The following NRXN2 variants were observed in gnomAD, a reference collection of about 807,000 sequenced individuals.
NRXN2 encodes neurexin 2.
Under a neutral mutation model 128.8 loss-of-function variants are expected in NRXN2, and 29 were observed. The observed-to-expected ratio is 0.23, with a 90% CI of 0.17 to 0.31. NRXN2 has a LOEUF of 0.31. NRXN2 is among the 10% of genes least tolerant of loss of function. The pLI, the probability that NRXN2 is intolerant of heterozygous loss-of-function variation, is 1.00. For synonymous variants in NRXN2, 1,098 were observed against 1,075.2 expected (o/e 1.02, Z -0.41); for missense variants, 1,881 against 2,452.6 (o/e 0.77, Z 4.92).
At position 64,685,752 on chromosome 11, in the gene NRXN2, A is replaced by C. The variant is rs1464252641; in HGVS notation, c.1046T>G (p.Val349Gly). ...LSLKSGAVWLVINLGSGAFEA... is the reference protein window; with the variant it reads ...LSLKSGAVWLGINLGSGAFEA... ...GAAGGCACCTGAGCCTAGGTTGATG[A>C]CCAGCCAGACAGCCCCAGACTTGAG... Residue 349 changes from valine (V) to glycine (G), a missense_variant, in exon 6 of 23, where the codon GTC becomes GGC. Around this residue, in one of 7 missense-constraint regions of NRXN2, gnomAD observed 997 missense variants for 1,240.8 expected, o/e 0.80. Coordinates refer to ENST00000265459, the MANE Select transcript of NRXN2 (RefSeq NM_015080.4). 1 of 1,614,192 alleles carries C rather than the reference A, an allele frequency of 6.2e-7. No homozygotes were observed. The highest frequency in any genetic ancestry group is 8.5e-7 in the Non-Finnish European group (1 of 1,180,034).
intron 3 of NRXN2, among the ~76,000 whole-genome samples, chr11:64,694,247 C>A (rs902962000): frequency 4.6e-5 from 7 of 152,186 alleles, no homozygotes; most frequent in African/African-American, 1.7e-4. Context: ...GGAAGGGGAA[C>A]AGCCCTGCAG....
At position 64,692,843 on chromosome 11, in the gene NRXN2, A is replaced by C. The variant is rs751181574; in HGVS notation, c.778+4T>G. ...CCAAACCAAACCAAAACTTCAAACCATACCTTCGCTGTTTAACGTCAGGTG... is the reference window on the plus strand; with the variant it reads ...CCAAACCAAACCAAAACTTCAAACCCTACCTTCGCTGTTTAACGTCAGGTG... On this transcript the variant is annotated splice_donor_region_variant and intron_variant, in intron 4 of 22. Transcript: ENST00000265459. 2.5e-5 allele frequency: 41 copies of C among 1,614,012 alleles called. No individual in the cohort carries two copies. In the South Asian group the frequency reaches 3.7e-4, roughly 15 times the overall value.
rs1272069043 is a variant in NRXN2, at chr11:64,712,964, G to A, written c.730+6C>T. 2.1e-5 allele frequency: 32 copies of A among 1,504,446 alleles called. No homozygotes were observed. The highest frequency in any genetic ancestry group is 2.5e-5 in the Non-Finnish European group (28 of 1,131,886). 93.2% of individuals were successfully genotyped at this position (1,504,446 alleles called of 1,614,324 possible). On this transcript the variant is annotated splice_donor_region_variant and intron_variant, in intron 2 of 22. Transcript: ENST00000265459. ...AGGCACCGGGCGGCCGCTCCCCGGGGCTCACCTTCGCTGCAGAACTTGCCG... is the reference window on the plus strand; with the variant it reads ...AGGCACCGGGCGGCCGCTCCCCGGGACTCACCTTCGCTGCAGAACTTGCCG...
At chr11:64,707,393 A>G (rs1013017737) in intron 2 of NRXN2, among the ~76,000 whole-genome samples, 6 of 152,100 alleles carry the variant, frequency 3.9e-5, no homozygotes, top group African/African-American at 1.4e-4. Flanking sequence ...TCAAAAAAAA[A>G]AAAAAAGAAA....
intron 11 of NRXN2, chr11:64,656,097 T>C (rs1209591096): frequency 6.6e-6 from 1 of 152,204 alleles, no homozygotes. Context: ...CCTGGGTTCC[T>C]TCCCCGCCCA....
In NRXN2 at chr11:64,673,020, G is replaced by A. The variant is rs75906750; in HGVS notation, c.1197+3973C>T. Among the ~76,000 whole-genome samples the A allele has an allele frequency of 5.0e-3, 766 of 152,068 alleles. 5 individuals are homozygous for A. The highest frequency in any genetic ancestry group is 0.017 in the African/African-American group (722 of 41,468). ...CTGTGACAGGAGTTTAACAACTGTCGCTCCCATTTCTTCCAGGCTTACTCT... is the reference window on the plus strand; with the variant it reads ...CTGTGACAGGAGTTTAACAACTGTCACTCCCATTTCTTCCAGGCTTACTCT... On this transcript the variant is annotated intron_variant, in intron 7 of 22. Coordinates refer to ENST00000265459, the MANE Select transcript of NRXN2 (RefSeq NM_015080.4).
At chr11:64,609,735 G>A (rs1451969441) in intron 22 of NRXN2, among the ~76,000 whole-genome samples, 1 of 152,196 alleles carries the variant, frequency 6.6e-6, no homozygotes, top group Non-Finnish European at 1.5e-5. Context: ...TGCTCCTCTT[G>A]CAGGGGCACC....
chr11:64,709,066 C>T (rs2056630623), intron 2 of NRXN2, among the ~76,000 whole-genome samples: 1 of 151,962 alleles, frequency 6.6e-6, no homozygotes, highest in African/African-American at 2.4e-5. Context: ...GTGGCGGGCG[C>T]CTGTAATCCC....
In NRXN2 at chr11:64,713,690, C is replaced by T. The variant is rs1050157194; in HGVS notation, c.10G>A (p.Gly4Arg). Reference sequence around the variant, plus strand: ...GGCGGTGTCGGCCGCCACCGGCTCCCGGACGCCATGCCTACGGCGGCCCCG... The same window carrying T: ...GGCGGTGTCGGCCGCCACCGGCTCCTGGACGCCATGCCTACGGCGGCCCCG... MAS[G>R]SRWRPTPPPL... The change falls in exon 2 of 23, where the codon GGG (glycine) becomes AGG (arginine). Residue 4 changes from glycine to arginine, a missense_variant. Gly to Arg is a moderately radical substitution (Grantham distance 125). Coordinates refer to ENST00000265459, the MANE Select transcript of NRXN2 (RefSeq NM_015080.4). 1.3e-5 allele frequency: 15 copies of T among 1,130,090 alleles called. No individual in the cohort carries two copies. The African/African-American group carries it at 1.7e-4, about 12-fold the overall frequency. 70.0% of individuals were successfully genotyped at this position (1,130,090 alleles called of 1,614,324 possible). A position where few individuals can be genotyped will look rare whatever the true frequency, so the allele number is the denominator to read the frequency against.
chr11:64,703,878 CCATCTTA>C (rs369631697), intron 2 of NRXN2, among the ~76,000 whole-genome samples: 78 of 152,314 alleles, frequency 5.1e-4, no homozygotes, highest in African/African-American at 1.8e-3. Context: ...GATATTACTT[CCATCTTA>C]CAGAGTAGGA....
chr11:64,635,426 C>A lies in NRXN2; in HGVS notation c.3430G>T (p.Gly1144Trp), dbSNP rs141426534. 15 of 1,613,826 alleles carry A rather than the reference C, an allele frequency of 9.3e-6. No homozygotes were observed. Among genetic ancestry groups the A allele is most frequent in the East Asian group, 2.2e-5 (1 of 44,866 alleles). ...DPGTTYIFGK[G>W]GALITYTWPP... The stretch of plus-strand genomic sequence containing the variant: ...CACGTGTAGGTGATGAGCGCTCCCC[C>A]CTTCCCAAAGATGTATGTGGTCCCG... Residue 1144 changes from glycine (G) to tryptophan (W), a missense_variant, in exon 18 of 23, where the codon GGG becomes TGG. This residue lies in a region of NRXN2 where 390 missense variants were observed against 599.6 expected (regional missense o/e 0.65). Coordinates refer to ENST00000265459, the MANE Select transcript of NRXN2 (RefSeq NM_015080.4). This position sits in a 1 kb window ranked among gnomAD's most constrained non-coding sequence, Gnocchi z 4.8.
In NRXN2 at chr11:64,667,497, G is replaced by T; in HGVS notation, c.1551C>A (p.Ile517=). 1 of 1,614,012 alleles carries T rather than the reference G, an allele frequency of 6.2e-7. No homozygotes were observed. Among genetic ancestry groups the T allele is most frequent in the South Asian group, 1.1e-5 (1 of 91,078 alleles). ...GCTCGGTGGTGCGGAAGTCTAGGGA[G>T]ATGGAGCCAGTGCGCTTAGCGCTCC... is the stretch of plus-strand genomic sequence containing the variant. ...PRWSAKRTGS[I]SLDFRTTEPN... The change falls in exon 9 of 23, where the codon ATC becomes ATA. Residue 517 remains isoleucine, a synonymous_variant. Coordinates refer to ENST00000265459, the MANE Select transcript of NRXN2 (RefSeq NM_015080.4). The surrounding 1 kb of genome is among the most constrained non-coding windows in gnomAD (Gnocchi z 5.6).
In NRXN2 at chr11:64,697,811, G is replaced by A. The variant is rs372892526; in HGVS notation, c.731-19C>T. On this transcript the variant is annotated intron_variant, in intron 2 of 22. Coordinates refer to ENST00000265459, the MANE Select transcript of NRXN2 (RefSeq NM_015080.4). Reference sequence around the variant, plus strand: ...TGCTCCTCTGCAGCCAGCGAGGTTCGGAGAAGACGGAGGCAGAGAGAGAAG... The same window carrying A: ...TGCTCCTCTGCAGCCAGCGAGGTTCAGAGAAGACGGAGGCAGAGAGAGAAG... 9 of 1,613,346 alleles carry A rather than the reference G, an allele frequency of 5.6e-6. No individual in the cohort carries two copies. Among genetic ancestry groups the A allele is most frequent in the East Asian group, 4.5e-5 (2 of 44,854 alleles).
intron 22 of NRXN2, among the ~76,000 whole-genome samples, chr11:64,619,583 G>C (rs776448164): frequency 6.6e-6 from 1 of 152,098 alleles, no homozygotes; most frequent in Non-Finnish European, 1.5e-5. Context: ...CCAGGCCCTG[G>C]AGAGCCTTCC....
chr11:64,651,151 C>G lies in NRXN2; in HGVS notation c.2918+104G>C. The G allele has an allele frequency of 1.3e-6, 2 of 1,496,274 alleles. No individual in the cohort carries two copies. The highest frequency in any genetic ancestry group is 9.2e-7 in the Non-Finnish European group (1 of 1,084,906). The allele number at this position is 1,496,274 out of a possible 1,614,324, so 92.7% of individuals were successfully genotyped here. On this transcript the variant is annotated intron_variant, in intron 14 of 22. Transcript: ENST00000265459. This position sits in a 1 kb window ranked among gnomAD's most constrained non-coding sequence, Gnocchi z 5.9. ...GGGGACCTGAATCTTGACTTGTGATCTGGGGGGATTGGACACCTCGGCCAG... is the reference window on the plus strand; with the variant it reads ...GGGGACCTGAATCTTGACTTGTGATGTGGGGGGATTGGACACCTCGGCCAG...
intron 17 of NRXN2, among the ~76,000 whole-genome samples, chr11:64,636,427 C>G (rs1011668923): frequency 2.0e-5 from 3 of 151,870 alleles, no homozygotes; most frequent in Admixed American, 6.6e-5. Context: ...GGCTGGTCAC[C>G]CAGTTTCCCG....
At chr11:64,652,209 T>C (rs569911262) in intron 12 of NRXN2, 55 bp from the exon 13 acceptor site, 1 of 1,568,186 alleles carries the variant, frequency 6.4e-7, no homozygotes, top group Admixed American at 1.9e-5. Context: ...ATAGGTGACT[T>C]CCTATATCAC....
At chr11:64,638,817 T>TAA (rs1169640303) in intron 17 of NRXN2, among the ~76,000 whole-genome samples, 11 of 152,316 alleles carry the variant, frequency 7.2e-5, no homozygotes, top group South Asian at 4.1e-4. Context: ...AGGCCCAGGT[T>TAA]CGGCACCTTC....
chr11:64,628,104 G>A (rs955568028), intron 19 of NRXN2, among the ~76,000 whole-genome samples: 1 of 152,234 alleles, frequency 6.6e-6, no homozygotes, highest in Non-Finnish European at 1.5e-5. Flanking sequence ...CATCTGCCTG[G>A]AGGGAGGCTG....
Sources: allele counts gnomAD v4.1 joint callset (sites outside exome capture counted in the v4.1 genomes callset), GRCh38; gene constraint gnomAD v4.1.1; regional missense constraint gnomAD v4.1.1; non-coding constraint Gnocchi (gnomAD v3.1); transcripts MANE v1.5; gene names NCBI Gene and HGNC (gene_info 2026-07-23, HGNC 2026-07-21).